The following GPCPD1 variants were observed in gnomAD, a reference collection of about 807,000 sequenced individuals.
GPCPD1 encodes glycerophosphocholine phosphodiesterase GPCPD1.
A neutral mutation model predicts 89.2 loss-of-function variants in GPCPD1; 29 were observed. The ratio of observed to expected loss-of-function variants is 0.33; its 90% CI spans 0.24 to 0.44. GPCPD1 has a LOEUF of 0.44. Among genes scored for constraint, GPCPD1 ranks in the 20% least tolerant of loss-of-function variants. GPCPD1 has a pLI of 1.00. For synonymous variants in GPCPD1, 258 were observed against 266.3 expected (o/e 0.97, Z 0.30); for missense variants, 594 against 808.9 (o/e 0.73, Z 3.22).
chr20:5,581,813 A>ATTTTTTTT (rs1568664434), intron 6 of GPCPD1, among the ~76,000 whole-genome samples: 6 of 82,808 alleles, frequency 7.2e-5, no homozygotes, highest in African/African-American at 1.3e-4. Context: ...TGGGACTTTA[A>ATTTTTTTT]CTTTTTTTTT....
chr20:5,591,069 G>T (rs750735989), intron 4 of GPCPD1, among the ~76,000 whole-genome samples: 2 of 152,130 alleles, frequency 1.3e-5, no homozygotes, highest in African/African-American at 2.4e-5. Context: ...CTTTGGTGAA[G>T]ATGTGACATC....
Position 5,559,996 on chromosome 20 carries a change from T to C in GPCPD1, c.1476A>G (p.Glu492=). The C allele has an allele frequency of 6.3e-7, 1 of 1,574,888 alleles. No individual in the cohort carries two copies. Among genetic ancestry groups the C allele is most frequent in the Non-Finnish European group, 8.7e-7 (1 of 1,153,138 alleles). ...FLDIILKTVL[E]NSGKRRIVFS... ...ACACTATTCTCCTCTTCCCAGAATT[T>C]TCTAAAACAGTTTTTAAAATTATAT... Residue 492 remains glutamate, a synonymous_variant, in exon 17 of 20, where the codon GAA becomes GAG. Transcript: ENST00000379019.
chr20:5,559,962 A>G lies in GPCPD1; in HGVS notation c.1510T>C (p.Phe504Leu), dbSNP rs1384560747. The change falls in exon 17 of 20, where the codon TTT becomes CTT. Residue 504 changes from phenylalanine (F) to leucine (L), a missense_variant. Coordinates refer to ENST00000379019, the MANE Select transcript of GPCPD1 (RefSeq NM_019593.5). ...CACATTGTGCAAATATCTGCATCAA[A>G]TGAAGAAAACACTATTCTCCTCTTC... ...SGKRRIVFSSFDADICTMVRQ... is the reference protein window; with the variant it reads ...SGKRRIVFSSLDADICTMVRQ... The G allele has an allele frequency of 1.9e-6, 3 of 1,551,408 alleles. No homozygotes were observed. Among genetic ancestry groups the G allele is most frequent in the Non-Finnish European group, 8.8e-7 (1 of 1,142,242 alleles).
At chr20:5,578,031 C>T (rs1208714805) in intron 8 of GPCPD1, among the ~76,000 whole-genome samples, 12 of 152,210 alleles carry the variant, frequency 7.9e-5, no homozygotes, top group African/African-American at 9.7e-5. Flanking sequence ...AACTCAATCA[C>T]GCTTGTTACA....
In GPCPD1 at chr20:5,584,318, G is replaced by A. The variant is rs146905586; in HGVS notation, c.312C>T (p.Ser104=). ...LQPRSITPLE[S]EIIIDDGQFG... ...ATTGTCCATCGTCAATAATAATTTCGCTTTCTAGAATTTAAGGAAAATAGA... is the reference window on the plus strand; with the variant it reads ...ATTGTCCATCGTCAATAATAATTTCACTTTCTAGAATTTAAGGAAAATAGA... The change falls in exon 6 of 20, where the codon AGC becomes AGT. Residue 104 remains serine (S), a synonymous_variant. Transcript: ENST00000379019. 1,151 of 1,389,984 alleles carry A rather than the reference G, an allele frequency of 8.3e-4. 5 individuals are homozygous for A. The highest frequency in any genetic ancestry group is 8.2e-3 in the South Asian group (690 of 83,726). 86.1% of individuals were successfully genotyped at this position (1,389,984 alleles called of 1,614,324 possible).
intron 11 of GPCPD1, among the ~76,000 whole-genome samples, chr20:5,571,411 C>T (rs1986706344): frequency 1.3e-5 from 2 of 152,150 alleles, no homozygotes; most frequent in South Asian, 2.1e-4. Context: ...GAAGACAAAA[C>T]TTAATCCCAA....
At chr20:5,579,957 A>G in intron 7 of GPCPD1, 51 bp downstream of exon 7, 2 of 1,188,980 alleles carry the variant, frequency 1.7e-6, no homozygotes, top group East Asian at 2.4e-5. Flanking sequence ...TCTGAAATCT[A>G]CAGCACTAGT....
At chr20:5,610,227 T>C (rs756929364) in intron 1 of GPCPD1, among the ~76,000 whole-genome samples, 25 of 152,190 alleles carry the variant, frequency 1.6e-4, no homozygotes, top group Non-Finnish European at 5.9e-5. Context: ...AGTAGAGCTT[T>C]GGAGAGAAGG....
At chr20:5,550,061 C>A (rs190480699) in intron 19 of GPCPD1, among the ~76,000 whole-genome samples, 1 of 151,718 alleles carries the variant, frequency 6.6e-6, no homozygotes, top group South Asian at 2.1e-4. Context: ...GGCATGGTGG[C>A]GTGCGCCTGT....
At chr20:5,598,494 T>TAA (rs35672719) in intron 3 of GPCPD1, among the ~76,000 whole-genome samples, 1 of 138,968 alleles carries the variant, frequency 7.2e-6, no homozygotes, top group Non-Finnish European at 1.6e-5. Flanking sequence ...AAAATACATC[T>TAA]AAAAAAAAAA....
intron 6 of GPCPD1, among the ~76,000 whole-genome samples, chr20:5,583,924 T>G (rs1345995643): frequency 1.3e-5 from 2 of 152,194 alleles, no homozygotes; most frequent in Admixed American, 1.3e-4. Flanking sequence ...AGGATAACAT[T>G]TTAAAGTGCA....
Position 5,558,846 on chromosome 20 carries a change from C to CTTTCAATGGTA in GPCPD1, c.1533-28_1533-27insTACCATTGAAA, listed in dbSNP as rs755259908. 29 of 1,503,098 alleles carry CTTTCAATGGTA rather than the reference C, an allele frequency of 1.9e-5. No individual in the cohort carries two copies. In the South Asian group the frequency reaches 3.6e-4, roughly 19 times the overall value. 93.1% of individuals were successfully genotyped at this position (1,503,098 alleles called of 1,614,324 possible). On this transcript the variant is annotated intron_variant, in intron 17 of 19. Coordinates refer to ENST00000379019, the MANE Select transcript of GPCPD1 (RefSeq NM_019593.5). ...TGAAAAGAAACAATTTTAAAAATAC[C>CTTTCAATGGTA]TTTCAATGGGGGGTAACTGTAATAT...
At chr20:5,607,968 G>A in intron 1 of GPCPD1, among the ~76,000 whole-genome samples, 1 of 152,280 alleles carries the variant, frequency 6.6e-6, no homozygotes, top group Non-Finnish European at 1.5e-5. Context: ...GTTTACTGCT[G>A]CGGTTCTCAA....
chr20:5,604,607 A>AGT (rs1365046117), intron 1 of GPCPD1, among the ~76,000 whole-genome samples, 167 bp from the exon 2 acceptor site: 2 of 15,108 alleles, frequency 1.3e-4, no homozygotes, highest in Non-Finnish European at 2.2e-4. Flanking sequence ...AAGTAACTTT[A>AGT]GTGCGGGGGG....
At chr20:5,610,292 T>C (rs1980875862) in intron 1 of GPCPD1, among the ~76,000 whole-genome samples, 1 of 152,198 alleles carries the variant, frequency 6.6e-6, no homozygotes, top group Non-Finnish European at 1.5e-5. Flanking sequence ...CCTGGAACCT[T>C]TTCCTAGGAA....
chr20:5,595,191 G>C (rs1979626884), intron 3 of GPCPD1, among the ~76,000 whole-genome samples: 1 of 152,058 alleles, frequency 6.6e-6, no homozygotes, highest in Non-Finnish European at 1.5e-5. Flanking sequence ...ATTAAGGTAT[G>C]TACATTTTTA....
intron 12 of GPCPD1, among the ~76,000 whole-genome samples, chr20:5,569,454 TAC>T (rs903352879): frequency 2.0e-4 from 31 of 152,174 alleles, no homozygotes; most frequent in African/African-American, 6.0e-4. Context: ...CAAAAACAAT[TAC>T]AGTTTTTTTA....
intron 15 of GPCPD1, among the ~76,000 whole-genome samples, chr20:5,562,632 C>T (rs891071694): frequency 2.0e-5 from 3 of 152,166 alleles, no homozygotes. Flanking sequence ...ATGTATAGCA[C>T]ATATGGTATT....
chr20:5,569,871 T>C (rs1986607696), intron 12 of GPCPD1, among the ~76,000 whole-genome samples: 1 of 152,142 alleles, frequency 6.6e-6, no homozygotes, highest in East Asian at 1.9e-4. Flanking sequence ...TATAGTAGCA[T>C]AGACAGACCG....
Sources: allele counts gnomAD v4.1 joint callset (sites outside exome capture counted in the v4.1 genomes callset), GRCh38; gene constraint gnomAD v4.1.1; transcripts MANE v1.5; gene names NCBI Gene and HGNC (gene_info 2026-07-23, HGNC 2026-07-21).